Variants in PRKCQ observed in about 807,000 individuals in gnomAD.
The protein encoded by PRKCQ is protein kinase C theta, also known as protein kinase C theta type.
PRKCQ carries 41 observed loss-of-function variants against 91.2 expected under a neutral mutation model. That is an observed-to-expected ratio of 0.45 (90% CI 0.35 to 0.58). The LOEUF (loss-of-function observed/expected upper bound fraction) is 0.58. Ranked by LOEUF, PRKCQ falls within the 20% of genes least tolerant of loss-of-function variation. PRKCQ has a pLI of 0.00. For missense variants in PRKCQ, 673 were observed against 896.5 expected (o/e 0.75, Z 3.18); for synonymous variants, 307 against 316.9 (o/e 0.97, Z 0.33).
At chr10:6,459,524 T>C (rs891506147) in intron 14 of PRKCQ, among the ~76,000 whole-genome samples, 1 of 152,220 alleles carries the variant, frequency 6.6e-6, no homozygotes, top group African/African-American at 2.4e-5. Context: ...CAGAACCTTG[T>C]AGATGTGACC....
chr10:6,561,282 G>C (rs1276324087), intron 1 of PRKCQ, among the ~76,000 whole-genome samples: 1 of 149,236 alleles, frequency 6.7e-6, no homozygotes, highest in Non-Finnish European at 1.5e-5. Flanking sequence ...TGAGGTGGGA[G>C]GATCACCTGA....
chr10:6,553,881 C>T (rs886219391), intron 1 of PRKCQ, among the ~76,000 whole-genome samples: 1 of 151,850 alleles, frequency 6.6e-6, no homozygotes, highest in African/African-American at 2.4e-5. Context: ...TGAAATGTGA[C>T]TATAATTTTA....
At chr10:6,536,954 C>A (rs915996995) in intron 1 of PRKCQ, among the ~76,000 whole-genome samples, 1 of 152,192 alleles carries the variant, frequency 6.6e-6, no homozygotes. Context: ...TGGAAGAATA[C>A]CCTTCCCCAT....
At chr10:6,553,514 AAAAC>A (rs71379862) in intron 1 of PRKCQ, among the ~76,000 whole-genome samples, 3 of 146,620 alleles carry the variant, frequency 2.0e-5, no homozygotes, top group African/African-American at 8.1e-5. Flanking sequence ...AAAAAAAAAA[AAAAC>A]AAACAAACAA....
At chr10:6,479,674 A>G (rs1055844391) in intron 11 of PRKCQ, among the ~76,000 whole-genome samples, 3 of 151,002 alleles carry the variant, frequency 2.0e-5, no homozygotes, top group Non-Finnish European at 4.4e-5. Flanking sequence ...TCAAGCCTAT[A>G]ATCCCAGCAC....
Position 6,430,786 on chromosome 10 carries a change from A to G in PRKCQ, c.1965+24T>C. The G allele has an allele frequency of 1.2e-6, 2 of 1,610,284 alleles. No individual in the cohort carries two copies. Among genetic ancestry groups the G allele is most frequent in the African/African-American group, 1.3e-5 (1 of 75,002 alleles). ...AGCGGAGGGAGAGTGGCTGACACCA[A>G]GCGGCCCATGAGCGAGTCCTTACCA... On this transcript the variant is annotated intron_variant, in intron 17 of 17. Transcript: ENST00000263125. The surrounding 1 kb of genome is among the most constrained non-coding windows in gnomAD (Gnocchi z 4.7).
At chr10:6,500,796 G>A (rs1218596496) in intron 4 of PRKCQ, among the ~76,000 whole-genome samples, 1 of 152,004 alleles carries the variant, frequency 6.6e-6, no homozygotes, top group Admixed American at 6.6e-5. Context: ...AGTTTCCTGA[G>A]CAGCTGTGAG....
intron 1 of PRKCQ, among the ~76,000 whole-genome samples, chr10:6,537,888 C>A (rs557835787): frequency 2.6e-5 from 4 of 152,366 alleles, no homozygotes; most frequent in South Asian, 4.1e-4. Context: ...ACAGCGCCCC[C>A]CTTCCCTGCA....
intron 1 of PRKCQ, among the ~76,000 whole-genome samples, chr10:6,520,027 T>C (rs1210626023): frequency 2.0e-5 from 3 of 152,198 alleles, no homozygotes; most frequent in African/African-American, 7.2e-5. Flanking sequence ...GTGTAACACA[T>C]GGTAGTCTCA....
intron 1 of PRKCQ, among the ~76,000 whole-genome samples, chr10:6,549,783 A>G (rs1450188799): frequency 6.6e-6 from 1 of 151,906 alleles, no homozygotes; most frequent in African/African-American, 2.4e-5. Context: ...GGTGTTTGCC[A>G]CCATGCCCGG....
intron 1 of PRKCQ, among the ~76,000 whole-genome samples, chr10:6,553,153 G>A (rs1345434938): frequency 1.3e-5 from 2 of 152,150 alleles, no homozygotes; most frequent in Non-Finnish European, 2.9e-5. Context: ...CAGTAATACT[G>A]TGAAATCAGT....
At chr10:6,526,275 T>C (rs1407258710) in intron 1 of PRKCQ, among the ~76,000 whole-genome samples, 2 of 152,220 alleles carry the variant, frequency 1.3e-5, no homozygotes, top group African/African-American at 4.8e-5. Context: ...TATGCATCCA[T>C]TCACTCATTC....
chr10:6,408,824 G>C, the PRKCQ span, among the ~76,000 whole-genome samples: 1 of 152,188 alleles, frequency 6.6e-6, no homozygotes, highest in South Asian at 2.1e-4. Context: ...GGTTTTTGCT[G>C]TTATGAACAA....
intron 8 of PRKCQ, 55 bp downstream of exon 8, chr10:6,491,628 G>A: frequency 6.2e-7 from 1 of 1,601,232 alleles, no homozygotes; most frequent in South Asian, 1.1e-5. Flanking sequence ...AGAAAGCCTT[G>A]CTCCATCCCC....
Position 6,546,708 on chromosome 10 carries a change from T to C in PRKCQ, c.-9-31564A>G, listed in dbSNP as rs11259491. Among the ~76,000 whole-genome samples, 86 of 152,302 alleles carry C rather than the reference T, an allele frequency of 5.6e-4. No individual in the cohort carries two copies. The East Asian group carries it at 0.016, about 28-fold the overall frequency. On this transcript the variant is annotated intron_variant, in intron 1 of 17. Transcript: ENST00000263125. Reference sequence around the variant, plus strand: ...ACAATTTGACTTCCTCTTTTCCTAATTGAATACCCTTTATTTCCTTCTCCT... The same window carrying C: ...ACAATTTGACTTCCTCTTTTCCTAACTGAATACCCTTTATTTCCTTCTCCT...
the PRKCQ span, among the ~76,000 whole-genome samples, chr10:6,407,058 T>C: frequency 6.6e-6 from 1 of 152,208 alleles, no homozygotes; most frequent in African/African-American, 2.4e-5. The surrounding 1 kb of genome is among the most constrained non-coding windows in gnomAD (Gnocchi z 4.0). Context: ...ACAGGCATCA[T>C]TTTTCTAATT....
intron 1 of PRKCQ, among the ~76,000 whole-genome samples, chr10:6,526,485 G>A (rs1839201779): frequency 6.6e-6 from 1 of 152,154 alleles, no homozygotes; most frequent in Non-Finnish European, 1.5e-5. Context: ...GGGGAGTGCT[G>A]GGTGGGGCGG....
chr10:6,530,306 T>A (rs1189051990), intron 1 of PRKCQ, among the ~76,000 whole-genome samples: 1 of 152,202 alleles, frequency 6.6e-6, no homozygotes, highest in Non-Finnish European at 1.5e-5. Flanking sequence ...CTGTCGCCCT[T>A]GGGTACACCA....
At chr10:6,525,913 C>T (rs1246863427) in intron 1 of PRKCQ, among the ~76,000 whole-genome samples, 3 of 152,162 alleles carry the variant, frequency 2.0e-5, no homozygotes, top group African/African-American at 7.2e-5. Flanking sequence ...GACCTCAGCT[C>T]TCCCACAAGC....
Sources: allele counts gnomAD v4.1 joint callset (sites outside exome capture counted in the v4.1 genomes callset), GRCh38; gene constraint gnomAD v4.1.1; non-coding constraint Gnocchi (gnomAD v3.1); transcripts MANE v1.5; gene names NCBI Gene and HGNC (gene_info 2026-07-23, HGNC 2026-07-21).